The following SOX6 variants were observed in gnomAD, a reference collection of about 807,000 sequenced individuals.
SOX6 encodes the protein transcription factor SOX-6.
Under a neutral mutation model 97.8 loss-of-function variants are expected in SOX6, and 11 were observed. The observed-to-expected ratio is 0.11, with a 90% confidence interval of 0.07 to 0.19. SOX6 has a LOEUF of 0.19. Among genes scored for constraint, SOX6 ranks in the 10% least tolerant of loss-of-function variants. The pLI is 1.00. For missense variants in SOX6, 810 were observed against 1,039.5 expected (o/e 0.78, Z 3.04); for synonymous variants, 360 against 371.4 (o/e 0.97, Z 0.35).
intron 6 of SOX6, among the ~76,000 whole-genome samples, chr11:16,140,838 A>T (rs962313896): frequency 1.2e-4 from 18 of 152,200 alleles, no homozygotes; most frequent in African/African-American, 4.3e-4. Flanking sequence ...AAATAATATA[A>T]CAAAAAGTGG....
chr11:16,383,793 AT>A (rs1345474611), intron 1 of SOX6, among the ~76,000 whole-genome samples: 6 of 152,164 alleles, frequency 3.9e-5, no homozygotes, highest in Admixed American at 3.9e-4. Flanking sequence ...TTAACAGCCC[AT>A]AGCCAAATAG....
At chr11:16,602,590 A>T (rs1848283643) in intron 4 of SOX6, among the ~76,000 whole-genome samples, 1 of 152,230 alleles carries the variant, frequency 6.6e-6, no homozygotes, top group Non-Finnish European at 1.5e-5. Flanking sequence ...ACTGCACGGA[A>T]GATACCTAAA....
At chr11:16,462,142 T>C (rs901015455) in intron 1 of SOX6, among the ~76,000 whole-genome samples, 1 of 152,228 alleles carries the variant, frequency 6.6e-6, no homozygotes, top group Non-Finnish European at 1.5e-5. Flanking sequence ...CATCTTTAAA[T>C]AGCTTTCAGA....
At chr11:16,449,624 C>T (rs1859683217) in intron 1 of SOX6, among the ~76,000 whole-genome samples, 1 of 152,130 alleles carries the variant, frequency 6.6e-6, no homozygotes, top group Non-Finnish European at 1.5e-5. Context: ...ATATAAACCT[C>T]CAATTGGTTG....
chr11:16,293,254 T>C (rs1046976862), intron 3 of SOX6, among the ~76,000 whole-genome samples: 4 of 152,142 alleles, frequency 2.6e-5, no homozygotes, highest in Non-Finnish European at 5.9e-5. Flanking sequence ...CATGATGTAG[T>C]TGGCCCACTT....
intron 3 of SOX6, among the ~76,000 whole-genome samples, chr11:16,256,029 A>G (rs1284936327): frequency 1.3e-5 from 2 of 152,004 alleles, no homozygotes; most frequent in African/African-American, 4.8e-5. Flanking sequence ...AAACGACACA[A>G]TCTGCCAAAA....
intron 12 of SOX6, among the ~76,000 whole-genome samples, chr11:16,046,219 A>G (rs1230457606): frequency 1.3e-5 from 2 of 152,142 alleles, no homozygotes; most frequent in South Asian, 2.1e-4. Flanking sequence ...TTTTATTCTA[A>G]TAACATCATA....
intron 2 of SOX6, among the ~76,000 whole-genome samples, chr11:16,326,524 A>T (rs1856099216): frequency 6.6e-6 from 1 of 152,104 alleles, no homozygotes; most frequent in African/African-American, 2.4e-5. Context: ...TAAAAAAAAA[A>T]GTCACTCTCA....
chr11:16,070,754 G>C (rs529000726), intron 9 of SOX6, among the ~76,000 whole-genome samples: 1 of 152,134 alleles, frequency 6.6e-6, no homozygotes, highest in African/African-American at 2.4e-5. Context: ...TCTCTAACAT[G>C]GGAAAGGGTG....
chr11:16,635,953 C>T (rs115379582), intron 3 of SOX6, among the ~76,000 whole-genome samples: 1,691 of 152,300 alleles, frequency 0.011, 23 homozygotes, highest in African/African-American at 0.039. Flanking sequence ...GCTAGATGTC[C>T]AAGCAGAGGT....
At chr11:16,016,743 A>G (rs1164260150) in intron 12 of SOX6, among the ~76,000 whole-genome samples, 1 of 152,118 alleles carries the variant, frequency 6.6e-6, no homozygotes, top group South Asian at 2.1e-4. Context: ...CAGGGAAAGC[A>G]AAATATTCAA....
intron 3 of SOX6, among the ~76,000 whole-genome samples, chr11:16,697,721 G>GA (rs1277719038): frequency 6.6e-6 from 1 of 152,222 alleles, no homozygotes; most frequent in African/African-American, 2.4e-5. Context: ...CTTGGAAGCT[G>GA]AAATTACTCC....
chr11:16,660,314 C>A (rs1026471464), intron 3 of SOX6, among the ~76,000 whole-genome samples: 16 of 152,088 alleles, frequency 1.1e-4, no homozygotes, highest in Non-Finnish European at 1.8e-4. Context: ...TAATTTACCT[C>A]AAAATATTTT....
chr11:16,299,280 G>T (rs1241614370), intron 3 of SOX6, among the ~76,000 whole-genome samples: 1 of 152,096 alleles, frequency 6.6e-6, no homozygotes, highest in Non-Finnish European at 1.5e-5. Context: ...GATCTTTGAG[G>T]ATTAAGAAAA....
intron 1 of SOX6, among the ~76,000 whole-genome samples, chr11:16,368,641 T>C (rs1159246661): frequency 1.3e-5 from 2 of 152,072 alleles, no homozygotes; most frequent in South Asian, 2.1e-4. Context: ...GCTAAATCTA[T>C]AAAACTCAGA....
intron 4 of SOX6, among the ~76,000 whole-genome samples, chr11:16,547,391 G>A (rs1275752300): frequency 6.6e-6 from 1 of 151,712 alleles, no homozygotes; most frequent in African/African-American, 2.4e-5. Context: ...AAAAGATAAA[G>A]AAATATATAT....
intron 1 of SOX6, among the ~76,000 whole-genome samples, chr11:16,459,503 T>C (rs1015086211): frequency 1.3e-5 from 2 of 151,926 alleles, no homozygotes; most frequent in Non-Finnish European, 2.9e-5. Context: ...TTGAAACTGA[T>C]CCAGAAATGA....
intron 4 of SOX6, among the ~76,000 whole-genome samples, chr11:16,494,394 T>C (rs994986853): frequency 1.3e-5 from 2 of 151,852 alleles, no homozygotes; most frequent in Non-Finnish European, 1.5e-5. Flanking sequence ...TAAATAAAAA[T>C]AAAATAAATA....
At chr11:16,599,051 T>C (rs1848241368) in intron 4 of SOX6, among the ~76,000 whole-genome samples, 1 of 152,178 alleles carries the variant, frequency 6.6e-6, no homozygotes, top group Non-Finnish European at 1.5e-5. Context: ...TTATTATGCC[T>C]ATTTATACGT....
Sources: gnomAD v4.1 joint callset for allele counts (sites outside exome capture counted in the v4.1 genomes callset) on GRCh38, gnomAD v4.1.1 for gene constraint, MANE v1.5 for transcripts, NCBI Gene and HGNC (gene_info 2026-07-23, HGNC 2026-07-21) for gene names.